TMEM132C: variants seen among roughly 807,000 people sequenced by gnomAD.
The protein encoded by TMEM132C is protein phosphatase 1, regulatory subunit 152.
Under a neutral mutation model 61.4 loss-of-function variants are expected in TMEM132C, and 29 were observed. The ratio of observed to expected loss-of-function variants is 0.47; its 90% CI spans 0.35 to 0.64. TMEM132C has a LOEUF of 0.64. TMEM132C is among the 30% of genes least tolerant of loss of function. The probability of loss-of-function intolerance (pLI) is 0.00; values close to 1 mark genes in which losing one functional copy is unlikely to be tolerated. For synonymous variants in TMEM132C, 656 were observed against 633.1 expected (o/e 1.04, Z -0.54); for missense variants, 1,408 against 1,476.9 (o/e 0.95, Z 0.76).
At chr12:128,319,379 GAC>G (rs1454122854) in intron 1 of TMEM132C, among the ~76,000 whole-genome samples, 2 of 148,912 alleles carry the variant, frequency 1.3e-5, no homozygotes, top group African/African-American at 2.4e-5. Flanking sequence ...GAGACAGAGA[GAC>G]AGTGTGTGTG....
rs559890211 is a variant in TMEM132C at position 128,606,815 on chromosome 12, C to A, written c.1122-9337C>A. Among the ~76,000 whole-genome samples the A allele has an allele frequency of 2.6e-5, 4 of 152,286 alleles. No homozygotes were observed. The South Asian group carries it at 8.3e-4, about 32-fold the overall frequency. ...AAGGGGCAGGTCTCGGTTCCAGGGGCCTCTCTTGTATATTGACAAGCTTTT... is the reference window on the plus strand; with the variant it reads ...AAGGGGCAGGTCTCGGTTCCAGGGGACTCTCTTGTATATTGACAAGCTTTT... On this transcript the variant is annotated intron_variant, in intron 3 of 8. Transcript: ENST00000435159.
intron 1 of TMEM132C, among the ~76,000 whole-genome samples, chr12:128,325,302 A>G (rs974090306): frequency 2.0e-5 from 3 of 152,236 alleles, no homozygotes; most frequent in Non-Finnish European, 4.4e-5. Context: ...GGAAAACATT[A>G]GTGACTGTAT....
chr12:128,384,394 G>A (rs1054171075), intron 1 of TMEM132C, among the ~76,000 whole-genome samples: 1 of 152,160 alleles, frequency 6.6e-6, no homozygotes, highest in Non-Finnish European at 1.5e-5. Flanking sequence ...CGATGACAAC[G>A]GCAGGCAGGG....
chr12:128,302,758 T>G (rs945614643), intron 1 of TMEM132C, among the ~76,000 whole-genome samples: 3 of 152,246 alleles, frequency 2.0e-5, no homozygotes, highest in African/African-American at 4.8e-5. Flanking sequence ...TTCAAAGCCT[T>G]CATCTTAATA....
chr12:128,289,190 A>G (rs1006724343), intron 1 of TMEM132C: 2 of 152,122 alleles, frequency 1.3e-5, no homozygotes, highest in African/African-American at 2.4e-5. Context: ...ATACACCTGC[A>G]TACTCTCACT....
chr12:128,692,612 T>G (rs1024577536), intron 5 of TMEM132C, among the ~76,000 whole-genome samples: 1 of 152,192 alleles, frequency 6.6e-6, no homozygotes, highest in African/African-American at 2.4e-5. Context: ...ACATCTTGTC[T>G]TATAATCTTC....
intron 1 of TMEM132C, among the ~76,000 whole-genome samples, chr12:128,306,559 G>A (rs1037917403): frequency 6.6e-6 from 1 of 152,140 alleles, no homozygotes; most frequent in Non-Finnish European, 1.5e-5. Flanking sequence ...CTTTTGTAAT[G>A]TTATTTTTAG....
intron 3 of TMEM132C, among the ~76,000 whole-genome samples, chr12:128,585,196 G>A (rs1038220609): frequency 2.0e-5 from 3 of 152,360 alleles, no homozygotes; most frequent in Admixed American, 6.5e-5. Flanking sequence ...GTGAAAAAAT[G>A]TATATTTGGG....
chr12:128,310,162 C>T (rs985379130), intron 1 of TMEM132C, among the ~76,000 whole-genome samples: 4 of 152,140 alleles, frequency 2.6e-5, no homozygotes, highest in African/African-American at 9.7e-5. Context: ...AATAATGCTG[C>T]CATGAACCTT....
Position 128,522,094 on chromosome 12 carries a change from T to G in TMEM132C, c.975-21863T>G, listed in dbSNP as rs542395532. On this transcript the variant is annotated intron_variant, in intron 2 of 8. Coordinates refer to ENST00000435159, the MANE Select transcript of TMEM132C (RefSeq NM_001136103.3). The stretch of plus-strand genomic sequence containing the variant: ...GACCTAAACTTGGGACACCACGCCT[T>G]GACACACGGCCAGAAAACAGAGGAG... 4.6e-5 allele frequency among the ~76,000 whole-genome samples: 7 copies of G among 152,326 alleles called. No homozygotes were observed. In the South Asian group the frequency reaches 1.5e-3, roughly 32 times the overall value.
chr12:128,331,390 C>T (rs1022405259), intron 1 of TMEM132C, among the ~76,000 whole-genome samples: 13 of 152,300 alleles, frequency 8.5e-5, no homozygotes, highest in Admixed American at 4.6e-4. Flanking sequence ...ATCCAACATG[C>T]GAATAATGTA....
rs530378981 is a variant in TMEM132C at position 128,415,472 on chromosome 12, C to T, written c.826C>T (p.Arg276Trp). 28 of 1,551,616 alleles carry T rather than the reference C, an allele frequency of 1.8e-5. No homozygotes were observed. Among genetic ancestry groups the T allele is most frequent in the South Asian group, 1.5e-4 (13 of 84,058 alleles). Residue 276 changes from arginine to tryptophan, a missense_variant, in exon 2 of 9, where the codon CGG (arginine) becomes TGG (tryptophan). Arg to Trp is a moderately radical substitution (Grantham distance 101). Transcript: ENST00000435159. This position sits in a 1 kb window ranked among gnomAD's most constrained non-coding sequence, Gnocchi z 5.8. ...GAGGATCGGCACCGTCGGCCTTTAC[C>T]GGGCCCAGGACAGCGCCCAGCTCAG... The part of the protein sequence containing the change: ...LQRIGTVGLY[R>W]AQDSAQLSEL...
rs1954854054 is a variant in TMEM132C at position 128,707,627 on chromosome 12, C to G, written c.*1332C>G. 4 of 152,224 alleles carry G rather than the reference C, an allele frequency of 2.6e-5. No individual in the cohort carries two copies. The highest frequency in any genetic ancestry group is 2.6e-4 in the Admixed American group (4 of 15,294). The allele number at this position is 152,224 out of a possible 1,614,324, so 9.4% of individuals were successfully genotyped here. A position where few individuals can be genotyped will look rare whatever the true frequency, so the allele number is the denominator to read the frequency against. On this transcript the variant is annotated 3_prime_UTR_variant, in exon 9 of 9. Coordinates refer to ENST00000435159, the MANE Select transcript of TMEM132C (RefSeq NM_001136103.3). ...AATAAGCCCCTTCGTGATCACCTGA[C>G]TCCAGTTCTCCGTGTGCTCCATTGG...
At chr12:128,656,200 GCCACCA>G (rs1425179450) in intron 4 of TMEM132C, among the ~76,000 whole-genome samples, 1 of 152,152 alleles carries the variant, frequency 6.6e-6, no homozygotes, top group Non-Finnish European at 1.5e-5. Context: ...ACAGGCGTGT[GCCACCA>G]CACCCGGCTA....
chr12:128,626,080 C>T (rs1194750944), intron 4 of TMEM132C, among the ~76,000 whole-genome samples: 1 of 151,734 alleles, frequency 6.6e-6, no homozygotes, highest in Non-Finnish European at 1.5e-5. Context: ...ACATGTACTA[C>T]AGTACCTGAA....
chr12:128,268,931 G>A (rs992284223), intron 1 of TMEM132C, among the ~76,000 whole-genome samples: 1 of 116,466 alleles, frequency 8.6e-6, no homozygotes, highest in Non-Finnish European at 1.7e-5. Context: ...AGAGGGTGGG[G>A]CGAGAGAGGG....
intron 2 of TMEM132C, among the ~76,000 whole-genome samples, chr12:128,469,857 TAC>T (rs1463536334): frequency 6.6e-6 from 1 of 152,028 alleles, no homozygotes; most frequent in Non-Finnish European, 1.5e-5. Context: ...TGTGTGTATA[TAC>T]ACACACCCAC....
At chr12:128,393,869 T>C (rs1221456766) in intron 1 of TMEM132C, among the ~76,000 whole-genome samples, 1 of 152,192 alleles carries the variant, frequency 6.6e-6, no homozygotes, top group East Asian at 1.9e-4. Flanking sequence ...GTGCTATCCT[T>C]GAAGCTCCAC....
At chr12:128,686,663 A>C (rs1447868383) in intron 5 of TMEM132C, among the ~76,000 whole-genome samples, 1 of 152,170 alleles carries the variant, frequency 6.6e-6, no homozygotes, top group Non-Finnish European at 1.5e-5. Context: ...GCTCTGATTC[A>C]TTCATTCATT....
Sources: gnomAD v4.1 joint callset for allele counts (sites outside exome capture counted in the v4.1 genomes callset) on GRCh38, gnomAD v4.1.1 for gene constraint, Gnocchi (gnomAD v3.1) non-coding constraint, MANE v1.5 for transcripts, NCBI Gene and HGNC (gene_info 2026-07-23, HGNC 2026-07-21) for gene names.